The following LRRC36 variants were observed in gnomAD, a reference collection of about 807,000 sequenced individuals.
The protein encoded by LRRC36 is leucine-rich repeat-containing protein 36.
In LRRC36, 62 loss-of-function variants were observed where a neutral mutation model predicts 81.1. The observed-to-expected ratio is 0.76, with a 90% confidence interval of 0.62 to 0.94. LRRC36 has a LOEUF of 0.94. Ranked by LOEUF, LRRC36 falls within the 40% of genes least tolerant of loss-of-function variation. LRRC36 has a pLI of 0.00. For missense variants in LRRC36, 761 were observed against 881.7 expected (o/e 0.86, Z 1.73); for synonymous variants, 334 against 348.6 (o/e 0.96, Z 0.47).
intron 1 of LRRC36, among the ~76,000 whole-genome samples, chr16:67,331,902 C>T (rs758456570): frequency 5.0e-4 from 76 of 151,700 alleles, no homozygotes; most frequent in Non-Finnish European, 8.7e-4. Context: ...GCAGGAGAAT[C>T]GCTTGAACCC....
At chr16:67,340,423 T>C (rs1162683126) in intron 1 of LRRC36, among the ~76,000 whole-genome samples, 1 of 151,848 alleles carries the variant, frequency 6.6e-6, no homozygotes, top group African/African-American at 2.4e-5. Context: ...TTTGGGAGGC[T>C]GAGGCTGAGA....
chr16:67,367,498 A>G (rs2039454712), intron 8 of LRRC36, 41 bp downstream of exon 8: 1 of 1,526,046 alleles, frequency 6.6e-7, no homozygotes, highest in Non-Finnish European at 8.9e-7. Flanking sequence ...CTTCATAGGC[A>G]TGAAGATAGA....
intron 12 of LRRC36, among the ~76,000 whole-genome samples, chr16:67,380,482 G>A (rs998358996): frequency 4.5e-4 from 68 of 152,098 alleles, no homozygotes; most frequent in Non-Finnish European, 2.2e-4. Context: ...TAAAGTTTGC[G>A]CTTGACAGAC....
intron 5 of LRRC36, among the ~76,000 whole-genome samples, chr16:67,359,976 T>A (rs1327866111): frequency 6.6e-6 from 1 of 151,906 alleles, no homozygotes; most frequent in East Asian, 1.9e-4. Flanking sequence ...TACAAAAAAA[T>A]TTGCTGGGCG....
chr16:67,340,382 G>T (rs757635180), intron 1 of LRRC36, among the ~76,000 whole-genome samples: 12 of 152,018 alleles, frequency 7.9e-5, no homozygotes, highest in Non-Finnish European at 1.5e-4. Context: ...TGATGCCCAG[G>T]CTCAGTGGCT....
chr16:67,370,896 TGAGGCAGTCA>T, intron 8 of LRRC36, 38 bp from the exon 9 acceptor site: 1 of 1,525,592 alleles, frequency 6.6e-7, no homozygotes. Flanking sequence ...AAGTGAGACA[TGAGGCAGTCA>T]GAGGGCAGGT....
intron 8 of LRRC36, among the ~76,000 whole-genome samples, chr16:67,369,929 C>G (rs767403798): frequency 5.9e-5 from 9 of 152,020 alleles, no homozygotes; most frequent in Non-Finnish European, 1.3e-4. Context: ...CATATCAACC[C>G]CTTCAAGGAG....
At chr16:67,376,010 A>G (rs753937246) in intron 10 of LRRC36, among the ~76,000 whole-genome samples, 3 of 152,296 alleles carry the variant, frequency 2.0e-5, no homozygotes, top group South Asian at 4.1e-4. Flanking sequence ...TAAAATTTTA[A>G]ATATAAACTA....
At chr16:67,376,168 C>T (rs934929839) in intron 10 of LRRC36, among the ~76,000 whole-genome samples, 1 of 151,882 alleles carries the variant, frequency 6.6e-6, no homozygotes, top group Non-Finnish European at 1.5e-5. Flanking sequence ...ATTAGCCAGG[C>T]GTAGTGGTGT....
At chr16:67,337,653 C>T (rs189959735) in intron 1 of LRRC36, among the ~76,000 whole-genome samples, 12 of 152,218 alleles carry the variant, frequency 7.9e-5, no homozygotes, top group Admixed American at 2.6e-4. Flanking sequence ...AGCCACCACA[C>T]TCGGCCTAAT....
At chr16:67,344,693 G>T (rs917497203) in intron 2 of LRRC36, among the ~76,000 whole-genome samples, 2 of 152,102 alleles carry the variant, frequency 1.3e-5, no homozygotes, top group Non-Finnish European at 2.9e-5. Context: ...GGCACTGATA[G>T]CTATTCCTCA....
At chr16:67,376,636 A>C in intron 10 of LRRC36, 91 bp from the exon 11 acceptor site, 1 of 1,337,226 alleles carries the variant, frequency 7.5e-7, no homozygotes, top group South Asian at 1.4e-5. Context: ...ACATTAGCCT[A>C]TTTGATCCAG....
intron 13 of LRRC36, among the ~76,000 whole-genome samples, chr16:67,384,477 TG>T (rs1035984805): frequency 2.0e-5 from 3 of 152,116 alleles, no homozygotes; most frequent in African/African-American, 7.2e-5. Flanking sequence ...AATGCAGCCA[TG>T]ACTAGCACCA....
At chr16:67,365,448 G>T in intron 7 of LRRC36, 93 bp downstream of exon 7, 1 of 1,098,862 alleles carries the variant, frequency 9.1e-7, no homozygotes, top group East Asian at 2.4e-5. Flanking sequence ...TCTCAATATG[G>T]GGGCCCTATT....
At chr16:67,367,904 C>A (rs755365229) in intron 8 of LRRC36, among the ~76,000 whole-genome samples, 28 of 152,202 alleles carry the variant, frequency 1.8e-4, no homozygotes, top group Non-Finnish European at 3.1e-4. Context: ...TACACACACA[C>A]AAAATAGCTG....
At chr16:67,355,994 G>A (rs969310934) in intron 5 of LRRC36, among the ~76,000 whole-genome samples, 5 of 152,122 alleles carry the variant, frequency 3.3e-5, no homozygotes, top group East Asian at 1.9e-4. Context: ...GCCATGTGTC[G>A]GTGTGGTTTG....
chr16:67,364,874 TTC>T (rs1359150104), intron 6 of LRRC36, among the ~76,000 whole-genome samples: 2 of 152,316 alleles, frequency 1.3e-5, no homozygotes, highest in Non-Finnish European at 1.5e-5. Context: ...CTAGATGGCT[TTC>T]TGTTTTCCTT....
Position 67,384,968 on chromosome 16 carries a change from A to G in LRRC36, c.2144A>G (p.His715Arg). Residue 715 changes from histidine (H) to arginine (R), a missense_variant, in exon 14 of 14, where the codon CAT (histidine) becomes CGT (arginine). Around this residue, in one of 3 missense-constraint regions of LRRC36, gnomAD observed 359 missense variants for 388.4 expected, o/e 0.92. Coordinates refer to ENST00000329956, the MANE Select transcript of LRRC36 (RefSeq NM_018296.6). ...KALLPPEKGH[H>R]LGRSSPFGKS... ...CTCCTGCCTCCTGAGAAGGGTCATCATCTGGGGAGATCATCGCCCTTTGGG... is the reference window on the plus strand; with the variant it reads ...CTCCTGCCTCCTGAGAAGGGTCATCGTCTGGGGAGATCATCGCCCTTTGGG... The G allele has an allele frequency of 6.2e-7, 1 of 1,614,204 alleles. No individual in the cohort carries two copies.
intron 5 of LRRC36, among the ~76,000 whole-genome samples, chr16:67,362,813 T>G (rs994815289): frequency 2.6e-5 from 4 of 152,116 alleles, no homozygotes; most frequent in Non-Finnish European, 5.9e-5. Flanking sequence ...AGTCTCACTG[T>G]GTCGCCCAGG....
Sources: gnomAD v4.1 joint callset for allele counts (sites outside exome capture counted in the v4.1 genomes callset) on GRCh38, gnomAD v4.1.1 for gene constraint, gnomAD v4.1.1 regional missense constraint, MANE v1.5 for transcripts, NCBI Gene and HGNC (gene_info 2026-07-23, HGNC 2026-07-21) for gene names.